The following CDH18 variants were observed in gnomAD, a reference collection of about 807,000 sequenced individuals.
CDH18 encodes the protein cadherin 18.
Under a neutral mutation model 67.9 loss-of-function variants are expected in CDH18, and 31 were observed. That is an observed-to-expected ratio of 0.46 (90% CI 0.34 to 0.62). The LOEUF is 0.62. Among genes scored for constraint, CDH18 ranks in the 20% least tolerant of loss-of-function variants. The probability of loss-of-function intolerance (pLI) is 0.01; values close to 1 mark genes in which losing one functional copy is unlikely to be tolerated. For synonymous variants in CDH18, 362 were observed against 347.2 expected (o/e 1.04, Z -0.48); for missense variants, 890 against 975.5 (o/e 0.91, Z 1.17).
intron 4 of CDH18, among the ~76,000 whole-genome samples, chr5:19,725,410 T>C (rs923012349): frequency 3.3e-5 from 5 of 152,204 alleles, no homozygotes; most frequent in Non-Finnish European, 5.9e-5. Context: ...GGTACCCAGA[T>C]TAGACTTTAA....
At chr5:20,224,014 C>A (rs1472481017) in intron 2 of CDH18, among the ~76,000 whole-genome samples, 1 of 151,992 alleles carries the variant, frequency 6.6e-6, no homozygotes, top group African/African-American at 2.4e-5. Context: ...TGAAGAATTG[C>A]TTCTCTTTTT....
chr5:20,147,063 G>A (rs1014965128), intron 2 of CDH18, among the ~76,000 whole-genome samples: 1 of 152,124 alleles, frequency 6.6e-6, no homozygotes, highest in Non-Finnish European at 1.5e-5. Flanking sequence ...AAAGTTGAAA[G>A]TATTAAAGTT....
intron 1 of CDH18, among the ~76,000 whole-genome samples, chr5:20,386,545 G>A (rs545412324): frequency 5.9e-5 from 9 of 152,006 alleles, no homozygotes; most frequent in East Asian, 5.8e-4. Context: ...ATCCACATAC[G>A]CCCCTTACAT....
intron 1 of CDH18, among the ~76,000 whole-genome samples, chr5:20,345,008 C>G (rs1383585176): frequency 6.6e-6 from 1 of 152,132 alleles, no homozygotes; most frequent in African/African-American, 2.4e-5. Flanking sequence ...AGTGAACACT[C>G]TCATTGCTAA....
intron 5 of CDH18, among the ~76,000 whole-genome samples, chr5:19,633,620 T>A (rs1752710669): frequency 1.3e-5 from 2 of 151,916 alleles, no homozygotes; most frequent in African/African-American, 2.4e-5. Flanking sequence ...GAAACTTGTT[T>A]TTGATTTGTT....
intron 5 of CDH18, among the ~76,000 whole-genome samples, chr5:19,656,279 A>G (rs1756377006): frequency 6.6e-6 from 1 of 152,064 alleles, no homozygotes; most frequent in African/African-American, 2.4e-5. Flanking sequence ...TCTAGTGATA[A>G]TAATAATTCG....
intron 2 of CDH18, among the ~76,000 whole-genome samples, chr5:20,241,857 A>T (rs1245644830): frequency 7.5e-5 from 5 of 66,360 alleles, no homozygotes; most frequent in African/African-American, 5.6e-4. Context: ...GTCGCAAAAA[A>T]AAAAAAAATA....
At chr5:19,839,364 T>C (rs1782020961) in intron 2 of CDH18, 122 bp from the exon 3 acceptor site, 1 of 213,688 alleles carries the variant, frequency 4.7e-6, no homozygotes, top group Admixed American at 5.2e-5. Flanking sequence ...GCAAAATCTC[T>C]AGGACACATC....
intron 2 of CDH18, among the ~76,000 whole-genome samples, chr5:19,867,522 G>T (rs1273912511): frequency 6.6e-6 from 1 of 152,082 alleles, no homozygotes; most frequent in Non-Finnish European, 1.5e-5. Flanking sequence ...TTTATGTAAA[G>T]CAAAAACTTG....
At chr5:19,811,142 GAA>G (rs1561351409) in intron 3 of CDH18, among the ~76,000 whole-genome samples, 21 of 96,790 alleles carry the variant, frequency 2.2e-4, no homozygotes, top group African/African-American at 4.3e-4. Context: ...AAGAAAGAAA[GAA>G]AGAAAGAAAG....
chr5:20,501,559 AT>A (rs1561069199), intron 1 of CDH18, among the ~76,000 whole-genome samples: 712 of 24,960 alleles, frequency 0.029, 31 homozygotes, highest in East Asian at 0.16. Flanking sequence ...TATATATAAT[AT>A]ATATATATAA....
At chr5:19,561,126 T>C (rs138989149) in intron 8 of CDH18, among the ~76,000 whole-genome samples, 2 of 152,054 alleles carry the variant, frequency 1.3e-5, no homozygotes, top group East Asian at 3.9e-4. Context: ...TAAAAGTACA[T>C]CTATCATTTG....
chr5:20,454,644 G>C (rs1750704155), intron 1 of CDH18, among the ~76,000 whole-genome samples: 1 of 152,158 alleles, frequency 6.6e-6, no homozygotes, highest in South Asian at 2.1e-4. Context: ...GCTTGTTACT[G>C]TTTCATGAAT....
intron 2 of CDH18, among the ~76,000 whole-genome samples, chr5:20,066,061 T>TG (rs1742955587): frequency 6.6e-6 from 1 of 152,012 alleles, no homozygotes; most frequent in South Asian, 2.1e-4. Context: ...TGATTACTGA[T>TG]GAAAAACTCA....
At chr5:19,475,533 A>AACACACACACAC (rs143709369) in intron 12 of CDH18, among the ~76,000 whole-genome samples, 2 of 146,804 alleles carry the variant, frequency 1.4e-5, no homozygotes, top group African/African-American at 5.0e-5. Flanking sequence ...GACCATCTGC[A>AACACACACACAC]ACACACACAC....
At chr5:19,622,251 G>T (rs1465257347) in intron 5 of CDH18, among the ~76,000 whole-genome samples, 2 of 152,094 alleles carry the variant, frequency 1.3e-5, no homozygotes, top group Non-Finnish European at 2.9e-5. Flanking sequence ...GTAAACTCGG[G>T]TTACTGAAAG....
intron 12 of CDH18, among the ~76,000 whole-genome samples, chr5:19,477,968 C>A (rs1209106650): frequency 2.0e-5 from 3 of 151,866 alleles, no homozygotes; most frequent in African/African-American, 7.3e-5. Flanking sequence ...TAGTGAATTT[C>A]TTTTTCTTCT....
intron 2 of CDH18, among the ~76,000 whole-genome samples, chr5:19,958,238 T>G (rs1353711985): frequency 6.6e-6 from 1 of 151,592 alleles, no homozygotes; most frequent in African/African-American, 2.4e-5. Context: ...ATAAACACTC[T>G]CAACCATTGA....
At chr5:20,181,611 G>A (rs1255539073) in intron 2 of CDH18, among the ~76,000 whole-genome samples, 2 of 152,058 alleles carry the variant, frequency 1.3e-5, no homozygotes, top group African/African-American at 4.8e-5. Context: ...GGTTTGATAC[G>A]CAGTAACATA....
Sources: gnomAD v4.1 joint callset for allele counts (sites outside exome capture counted in the v4.1 genomes callset) on GRCh38, gnomAD v4.1.1 for gene constraint, MANE v1.5 for transcripts, NCBI Gene and HGNC (gene_info 2026-07-23, HGNC 2026-07-21) for gene names.